ELAPOR1: variants seen among roughly 807,000 people sequenced by gnomAD.
ELAPOR1 encodes the protein endosome/lysosome-associated apoptosis and autophagy regulator 1.
In ELAPOR1, 77 loss-of-function variants were observed where a neutral mutation model predicts 119.7. The ratio of observed to expected loss-of-function variants is 0.64; its 90% CI spans 0.54 to 0.78. The LOEUF is 0.78. Ranked by LOEUF, ELAPOR1 falls within the 30% of genes least tolerant of loss-of-function variation. The pLI is 0.00. For synonymous variants in ELAPOR1, 481 were observed against 487.2 expected (o/e 0.99, Z 0.17); for missense variants, 1,115 against 1,270.4 (o/e 0.88, Z 1.86).
At chr1:109,189,527 A>G in intron 10 of ELAPOR1, 65 bp from the exon 11 acceptor site, 1 of 1,403,258 alleles carries the variant, frequency 7.1e-7, no homozygotes, top group Non-Finnish European at 1.0e-6. Flanking sequence ...CCAGAGTGTC[A>G]TCTGGGTGCA....
chr1:109,180,029 G>A (rs776777211), intron 7 of ELAPOR1, among the ~76,000 whole-genome samples: 15 of 152,180 alleles, frequency 9.9e-5, no homozygotes, highest in Non-Finnish European at 2.2e-4. Flanking sequence ...GTTGCAGCTG[G>A]CATCATTGCT....
intron 13 of ELAPOR1, among the ~76,000 whole-genome samples, chr1:109,192,363 A>G (rs534881441): frequency 6.6e-6 from 1 of 152,236 alleles, no homozygotes; most frequent in South Asian, 2.1e-4. Context: ...ATAAAACTGT[A>G]TATATTATAT....
rs762679826 is a variant in ELAPOR1, at chr1:109,191,820, C to T, written c.1640C>T (p.Thr547Met). ...YTYIIEENTT[T>M]SFTWAFQRTT... ...TACATCATTGAGGAGAACACTACCACGAGCTTCACCTGGGCCTTCCAGAGG... is the reference window on the plus strand; with the variant it reads ...TACATCATTGAGGAGAACACTACCATGAGCTTCACCTGGGCCTTCCAGAGG... The change falls in exon 13 of 22, where the codon ACG (threonine) becomes ATG (methionine). Residue 547 changes from threonine (T) to methionine (M), a missense_variant. By Grantham distance (81) the Thr-to-Met change is moderately conservative (BLOSUM62 -1). Coordinates refer to ENST00000369939, the MANE Select transcript of ELAPOR1 (RefSeq NM_020775.5). The T allele has an allele frequency of 6.3e-5, 101 of 1,614,096 alleles. 1 individual carries two copies. The Middle Eastern group carries it at 6.6e-4, about 11-fold the overall frequency.
intron 7 of ELAPOR1, among the ~76,000 whole-genome samples, chr1:109,182,762 A>G (rs928230122): frequency 6.6e-6 from 1 of 151,308 alleles, no homozygotes; most frequent in Non-Finnish European, 1.5e-5. Context: ...AGCTACTTGG[A>G]AGGCTGAGGC....
chr1:109,187,950 C>T (rs906915514), intron 8 of ELAPOR1: 8 of 1,289,610 alleles, frequency 6.2e-6, no homozygotes, highest in African/African-American at 1.5e-5. Context: ...TTCCTTGTCA[C>T]CCAGGCAACA....
intron 1 of ELAPOR1, among the ~76,000 whole-genome samples, chr1:109,153,477 T>C (rs1399347590): frequency 1.3e-5 from 2 of 152,162 alleles, no homozygotes; most frequent in Non-Finnish European, 2.9e-5. Context: ...TAAAATTAAA[T>C]GGAAAAAAGT....
intron 20 of ELAPOR1, 96 bp from the exon 21 acceptor site, chr1:109,200,639 T>C: frequency 8.5e-7 from 1 of 1,176,764 alleles, no homozygotes; most frequent in Non-Finnish European, 1.2e-6. Flanking sequence ...ACCCATGGCA[T>C]GGGAATAGGA....
At chr1:109,128,022 T>C (rs1342666757) in intron 1 of ELAPOR1, among the ~76,000 whole-genome samples, 1 of 151,942 alleles carries the variant, frequency 6.6e-6, no homozygotes, top group Non-Finnish European at 1.5e-5. Flanking sequence ...TACAGGCACA[T>C]GCCACCACAC....
intron 1 of ELAPOR1, among the ~76,000 whole-genome samples, chr1:109,116,221 A>C (rs1647986848): frequency 6.6e-6 from 1 of 152,214 alleles, no homozygotes. Context: ...CACAAAGTGT[A>C]AGCTTAAGGT....
chr1:109,143,870 A>G (rs1346882416), intron 1 of ELAPOR1, among the ~76,000 whole-genome samples: 1 of 151,408 alleles, frequency 6.6e-6, no homozygotes, highest in East Asian at 1.9e-4. Context: ...CATGTTGCCC[A>G]GGCTGATCTG....
chr1:109,194,445 T>C lies in ELAPOR1; in HGVS notation c.1972T>C (p.Cys658Arg), dbSNP rs769775035. 1 of 1,613,868 alleles carries C rather than the reference T, an allele frequency of 6.2e-7. No homozygotes were observed. Among genetic ancestry groups the C allele is most frequent in the Admixed American group, 1.7e-5 (1 of 60,026 alleles). The change falls in exon 15 of 22, where the codon TGC (cysteine) becomes CGC (arginine). Residue 658 changes from cysteine (C) to arginine (R), a missense_variant. Physicochemically the swap from Cys to Arg is radical, Grantham distance 180. Transcript: ENST00000369939. ...GATCCACTCTCTGTGCTACAACGAT[T>C]GCACCTTCTCACGCAACACTCCGAC... ...NKIHSLCYND[C>R]TFSRNTPTRT...
rs1570727842 is a variant in ELAPOR1, at chr1:109,196,613, T to G, written c.2122-861T>G. ...CTCTATTTTATTGTAATGTAAAGGT[T>G]TTCTTCAGTTTTCAAGCTCATCTAC... On this transcript the variant is annotated intron_variant, in intron 15 of 21. Coordinates refer to ENST00000369939, the MANE Select transcript of ELAPOR1 (RefSeq NM_020775.5). 1.3e-5 allele frequency among the ~76,000 whole-genome samples: 2 copies of G among 151,938 alleles called. 1 individual carries two copies. The highest frequency in any genetic ancestry group is 1.3e-4 in the Admixed American group (2 of 15,258).
chr1:109,188,155 T>G (rs1396128739), intron 8 of ELAPOR1, 22 bp from the exon 9 acceptor site: 1 of 1,585,560 alleles, frequency 6.3e-7, no homozygotes, highest in South Asian at 1.1e-5. Context: ...CAGGCTGAGT[T>G]GTGCTTAATC....
intron 1 of ELAPOR1, among the ~76,000 whole-genome samples, chr1:109,134,595 A>G (rs1319766480): frequency 6.6e-6 from 1 of 152,194 alleles, no homozygotes; most frequent in Non-Finnish European, 1.5e-5. Context: ...CCGTTGGCCT[A>G]CTGATAAGAA....
At chr1:109,182,735 C>T (rs1435667362) in intron 7 of ELAPOR1, among the ~76,000 whole-genome samples, 1 of 151,774 alleles carries the variant, frequency 6.6e-6, no homozygotes, top group Non-Finnish European at 1.5e-5. Flanking sequence ...GGCATGGTGG[C>T]GGGCGCCTGT....
chr1:109,132,444 C>T (rs1649207627), intron 1 of ELAPOR1, among the ~76,000 whole-genome samples: 1 of 152,116 alleles, frequency 6.6e-6, no homozygotes, highest in African/African-American at 2.4e-5. Flanking sequence ...CCGCACCCAG[C>T]CTGCCAGGCA....
intron 3 of ELAPOR1, among the ~76,000 whole-genome samples, chr1:109,170,773 G>C (rs1651873063): frequency 6.6e-6 from 1 of 152,224 alleles, no homozygotes; most frequent in Non-Finnish European, 1.5e-5. Flanking sequence ...AGAGGGCTTG[G>C]AGGATGTGGG....
At chr1:109,171,553 A>G (rs1050763921) in intron 3 of ELAPOR1, among the ~76,000 whole-genome samples, 7 of 149,602 alleles carry the variant, frequency 4.7e-5, no homozygotes, top group African/African-American at 1.5e-4. Flanking sequence ...CTCTGCCTCA[A>G]AAAAAAAAAG....
At chr1:109,147,514 C>T (rs1650255182) in intron 1 of ELAPOR1, among the ~76,000 whole-genome samples, 1 of 152,090 alleles carries the variant, frequency 6.6e-6, no homozygotes, top group Non-Finnish European at 1.5e-5. Context: ...TGTATTATAA[C>T]TATATACTAT....
Sources: allele counts gnomAD v4.1 joint callset (sites outside exome capture counted in the v4.1 genomes callset), GRCh38; gene constraint gnomAD v4.1.1; transcripts MANE v1.5; gene names NCBI Gene and HGNC (gene_info 2026-07-23, HGNC 2026-07-21).